The following CNOT4 variants were observed in gnomAD, a reference collection of about 807,000 sequenced individuals.
CNOT4 encodes CCR4-associated factor 4.
Under a neutral mutation model 73.8 loss-of-function variants are expected in CNOT4, and 8 were observed. The observed-to-expected ratio is 0.11, with a 90% CI of 0.06 to 0.20. The LOEUF is 0.20. CNOT4 is among the 10% of genes least tolerant of loss of function. The pLI, the probability that CNOT4 is intolerant of heterozygous loss-of-function variation, is 1.00. For synonymous variants in CNOT4, 293 were observed against 321.1 expected, an observed-to-expected ratio of 0.91 and a Z score of 0.94; for missense variants, 564 against 883.4, an observed-to-expected ratio of 0.64 and a Z score of 4.58.
intron 2 of CNOT4, among the ~76,000 whole-genome samples, chr7:135,430,055 G>C (rs1227017604): frequency 5.3e-5 from 8 of 152,134 alleles, no homozygotes; most frequent in Admixed American, 5.2e-4. Context: ...TTCCAACGAA[G>C]ATACCTAGTA....
intron 9 of CNOT4, 63 bp from the exon 10 acceptor site, chr7:135,394,478 A>G (rs1248947173): frequency 7.5e-6 from 10 of 1,325,260 alleles, no homozygotes; most frequent in African/African-American, 1.5e-5. Context: ...CTTAATAAGT[A>G]TCCATGCTAC....
rs1802750094 is a variant in CNOT4 at position 135,486,815 on chromosome 7, AAAAAC to A, written c.-93+23069_-93+23073del. Among the ~76,000 whole-genome samples, 4 of 152,356 alleles carry A rather than the reference AAAAAC, an allele frequency of 2.6e-5. 1 individual carries two copies. Among genetic ancestry groups the A allele is most frequent in the African/African-American group, 9.6e-5 (4 of 41,584 alleles). ...GTCTCCTGAGGCTGTGTCACAGGAC[AAAAAC>A]AAAACAAAACACTTTTTTTTAAAGA... On this transcript the variant is annotated intron_variant, in intron 1 of 11. Coordinates refer to ENST00000541284, the MANE Select transcript of CNOT4 (RefSeq NM_001190850.2).
rs561067632 is a variant in CNOT4 at position 135,448,209 on chromosome 7, C to T, written c.-92-9786G>A. On this transcript the variant is annotated intron_variant, in intron 1 of 11. Coordinates refer to ENST00000541284, the MANE Select transcript of CNOT4 (RefSeq NM_001190850.2). ...TACCCAGAGTTGTTGCAATGTTATA[C>T]AAGATGTTCAGTTTCCAACATAAAA... is the stretch of plus-strand genomic sequence containing the variant. 2.4e-4 allele frequency among the ~76,000 whole-genome samples: 36 copies of T among 152,250 alleles called. No individual in the cohort carries two copies. In the East Asian group the frequency reaches 3.1e-3, roughly 13 times the overall value.
intron 1 of CNOT4, among the ~76,000 whole-genome samples, chr7:135,478,816 A>C (rs1563073792): frequency 6.6e-6 from 1 of 152,148 alleles, no homozygotes; most frequent in Admixed American, 6.6e-5. Flanking sequence ...AACACCAAAA[A>C]ATAAGGTTGG....
intron 10 of CNOT4, among the ~76,000 whole-genome samples, chr7:135,367,178 G>A (rs1457320227): frequency 6.6e-6 from 1 of 152,180 alleles, no homozygotes; most frequent in African/African-American, 2.4e-5. Context: ...AAGCAAAATT[G>A]TATCCAGTTG....
chr7:135,438,521 T>C (rs1191960038), intron 1 of CNOT4, 98 bp from the exon 2 acceptor site: 2 of 403,710 alleles, frequency 5.0e-6, no homozygotes, highest in Non-Finnish European at 8.6e-6. Flanking sequence ...AAATACTGAC[T>C]GAGCAACTAC....
chr7:135,381,761 A>C (rs1467299455), intron 10 of CNOT4, among the ~76,000 whole-genome samples: 4 of 152,216 alleles, frequency 2.6e-5, no homozygotes, highest in African/African-American at 9.7e-5. Context: ...CTTTAAAATA[A>C]TTAATTGAAC....
At chr7:135,372,595 C>T (rs919216190) in intron 10 of CNOT4, among the ~76,000 whole-genome samples, 47 of 145,772 alleles carry the variant, frequency 3.2e-4, no homozygotes, top group African/African-American at 8.6e-4. Flanking sequence ...CTCGCTGCGT[C>T]GCTCAGCCTG....
chr7:135,403,594 A>G (rs1284748649), intron 7 of CNOT4, among the ~76,000 whole-genome samples: 1 of 152,202 alleles, frequency 6.6e-6, no homozygotes, highest in Non-Finnish European at 1.5e-5. Flanking sequence ...TCTCTTTAGA[A>G]TAAATTAAAA....
intron 9 of CNOT4, among the ~76,000 whole-genome samples, chr7:135,395,182 G>A (rs1796608680): frequency 6.6e-6 from 1 of 151,970 alleles, no homozygotes; most frequent in South Asian, 2.1e-4. Context: ...GAGGCCAGGA[G>A]TTCAAGACCT....
intron 1 of CNOT4, among the ~76,000 whole-genome samples, chr7:135,474,716 T>C (rs932731048): frequency 6.6e-6 from 1 of 152,182 alleles, no homozygotes; most frequent in Non-Finnish European, 1.5e-5. Context: ...ACAAAATAAC[T>C]GAAAATGTAA....
At chr7:135,448,587 T>C (rs558847519) in intron 1 of CNOT4, among the ~76,000 whole-genome samples, 20 of 150,004 alleles carry the variant, frequency 1.3e-4, no homozygotes, top group Admixed American at 9.9e-4. Flanking sequence ...GAAGGACCCA[T>C]ATACCAGAGA....
intron 1 of CNOT4, among the ~76,000 whole-genome samples, chr7:135,487,527 A>G (rs1802808852): frequency 6.6e-6 from 1 of 152,120 alleles, no homozygotes; most frequent in South Asian, 2.1e-4. Flanking sequence ...GATGTGAGTC[A>G]CCACACCAGG....
intron 1 of CNOT4, among the ~76,000 whole-genome samples, chr7:135,497,146 G>A (rs1050919844): frequency 5.3e-5 from 8 of 151,710 alleles, no homozygotes; most frequent in Non-Finnish European, 1.0e-4. Context: ...GGTGGCTCAC[G>A]CCTATAATCC....
intron 1 of CNOT4, among the ~76,000 whole-genome samples, chr7:135,441,930 C>T (rs893630021): frequency 6.6e-6 from 1 of 152,082 alleles, no homozygotes; most frequent in African/African-American, 2.4e-5. Flanking sequence ...ACCTCTAGCA[C>T]CATGGAGAGA....
At chr7:135,457,451 C>T (rs1273418213) in intron 1 of CNOT4, among the ~76,000 whole-genome samples, 3 of 151,968 alleles carry the variant, frequency 2.0e-5, no homozygotes, top group Admixed American at 2.0e-4. Flanking sequence ...CACAGTATCT[C>T]GCATTGTAAG....
chr7:135,496,631 CCTCTCTCTCT>C (rs112838755), intron 1 of CNOT4, among the ~76,000 whole-genome samples: 2 of 148,484 alleles, frequency 1.3e-5, no homozygotes, highest in African/African-American at 2.5e-5. Context: ...TCTTCCTATT[CCTCTCTCTCT>C]CTCTCTCTCT....
At chr7:135,495,486 C>T (rs1220465710) in intron 1 of CNOT4, among the ~76,000 whole-genome samples, 2 of 117,014 alleles carry the variant, frequency 1.7e-5, no homozygotes, top group Admixed American at 2.5e-4. Context: ...GCCTGGGAGA[C>T]AGAGCGAGAC....
chr7:135,499,517 A>G (rs1412248617), intron 1 of CNOT4, among the ~76,000 whole-genome samples: 1 of 152,086 alleles, frequency 6.6e-6, no homozygotes, highest in Non-Finnish European at 1.5e-5. Flanking sequence ...ATAATTTGAG[A>G]TTAATTCAAT....
Sources: allele counts gnomAD v4.1 joint callset (sites outside exome capture counted in the v4.1 genomes callset), GRCh38; gene constraint gnomAD v4.1.1; transcripts MANE v1.5; gene names NCBI Gene and HGNC (gene_info 2026-07-23, HGNC 2026-07-21).